RIMKLA: variants seen among roughly 807,000 people sequenced by gnomAD.
The protein encoded by RIMKLA is N-acetylaspartylglutamate synthase A.
RIMKLA carries 14 observed loss-of-function variants against 32.7 expected under a neutral mutation model. That is an observed-to-expected ratio of 0.43 (90% confidence interval 0.28 to 0.67). The LOEUF (loss-of-function observed/expected upper bound fraction) is 0.67. Ranked by LOEUF, RIMKLA falls within the 30% of genes least tolerant of loss-of-function variation. The pLI, the probability that RIMKLA is intolerant of heterozygous loss-of-function variation, is 0.18. For synonymous variants in RIMKLA, 176 were observed against 204.1 expected, an observed-to-expected ratio of 0.86 and a Z score of 1.18; for missense variants, 410 against 519.0, an observed-to-expected ratio of 0.79 and a Z score of 2.04.
chr1:42,401,194 A>C (rs1244474704), intron 2 of RIMKLA, among the ~76,000 whole-genome samples: 5 of 152,124 alleles, frequency 3.3e-5, no homozygotes, highest in African/African-American at 1.2e-4. Context: ...ATGAGAATCT[A>C]ATGCCGCCAC....
At chr1:42,410,318 C>G (rs555432327) in intron 4 of RIMKLA, 131 bp downstream of exon 4, 4 of 750,344 alleles carry the variant, frequency 5.3e-6, no homozygotes, top group East Asian at 2.7e-5. Flanking sequence ...GGAACAAACT[C>G]TTTCCTATGG....
chr1:42,391,577 A>C (rs1434926014), intron 1 of RIMKLA, among the ~76,000 whole-genome samples: 1 of 152,166 alleles, frequency 6.6e-6, no homozygotes, highest in African/African-American at 2.4e-5. Flanking sequence ...GGGAAGGCAC[A>C]CGGAAAAGGT....
intron 4 of RIMKLA, among the ~76,000 whole-genome samples, chr1:42,410,476 A>T (rs1260811048): frequency 6.6e-6 from 1 of 151,714 alleles, no homozygotes; most frequent in Admixed American, 6.6e-5. Context: ...TTGGAGAAAA[A>T]CTCCCATCTG....
chr1:42,411,503 C>T, intron 4 of RIMKLA, among the ~76,000 whole-genome samples: 1 of 150,784 alleles, frequency 6.6e-6, no homozygotes, highest in East Asian at 1.9e-4. Flanking sequence ...CTCTGTTGCA[C>T]AGGCCAGAAT....
chr1:42,386,138 G>T (rs1457352873), intron 1 of RIMKLA, among the ~76,000 whole-genome samples: 1 of 151,762 alleles, frequency 6.6e-6, no homozygotes, highest in Admixed American at 6.6e-5. Context: ...GGCCAGGCTG[G>T]TCTCAAACTC....
chr1:42,388,208 T>A (rs1379924995), intron 1 of RIMKLA, among the ~76,000 whole-genome samples: 1 of 152,112 alleles, frequency 6.6e-6, no homozygotes, highest in Non-Finnish European at 1.5e-5. Context: ...CACTGAAGGA[T>A]ATTTTTTGTT....
At chr1:42,404,627 G>A (rs748689603) in intron 3 of RIMKLA, 30 bp downstream of exon 3, 4 of 1,434,288 alleles carry the variant, frequency 2.8e-6, no homozygotes, top group Admixed American at 1.7e-5. Context: ...GGCTTCCTGG[G>A]TAATCAGCCC....
rs892150034 is a variant in RIMKLA at position 42,414,887 on chromosome 1, A to C, written c.1089A>C (p.Ala363=). ...TGGGAGAGATCCGGGATTCCTCAGC[A>C]AGCACAATGGGGGCCCCACCCTCCA... is the stretch of plus-strand genomic sequence containing the variant. ...PELGEIRDSS[A]STMGAPPSML... is the part of the protein sequence containing the mutation. Residue 363 remains alanine (A), a synonymous_variant, in exon 5 of 5, where the codon GCA becomes GCC. Transcript: ENST00000431473. 9.3e-6 allele frequency: 15 copies of C among 1,614,066 alleles called. No individual in the cohort carries two copies. The highest frequency in any genetic ancestry group is 1.3e-5 in the Non-Finnish European group (15 of 1,180,040).
intron 3 of RIMKLA, among the ~76,000 whole-genome samples, chr1:42,405,761 C>T (rs1643138981): frequency 6.6e-6 from 1 of 152,154 alleles, no homozygotes; most frequent in Admixed American, 6.5e-5. Context: ...CAAGTATGCC[C>T]AGGGGTCTGT....
At position 42,399,537 on chromosome 1, in the gene RIMKLA, C is replaced by T. The variant is rs772577198; in HGVS notation, c.297C>T (p.Val99=). The change falls in exon 2 of 5, where the codon GTC becomes GTT. Residue 99 remains valine (V), a synonymous_variant. Transcript: ENST00000431473. ...RHLEKLGCRL[V]NRPQSILNCI... ...TGGAGAAGCTGGGCTGCCGGTTGGT[C>T]AATCGCCCACAGAGCATCTTAAATT... The T allele has an allele frequency of 1.2e-6, 2 of 1,613,478 alleles. No homozygotes were observed. The highest frequency in any genetic ancestry group is 2.2e-5 in the South Asian group (2 of 90,800).
chr1:42,400,600 A>G (rs953586424), intron 2 of RIMKLA, among the ~76,000 whole-genome samples: 2 of 152,226 alleles, frequency 1.3e-5, no homozygotes, highest in African/African-American at 4.8e-5. Flanking sequence ...GATTTGAGCA[A>G]CCAGATGTGA....
intron 1 of RIMKLA, 109 bp from the exon 2 acceptor site, chr1:42,399,291 ATTTT>A: frequency 2.6e-6 from 2 of 782,260 alleles, no homozygotes; most frequent in Admixed American, 5.7e-5. Context: ...CAGGGGGCCA[ATTTT>A]GAGGCTCTGT....
At chr1:42,400,730 G>A (rs980770709) in intron 2 of RIMKLA, among the ~76,000 whole-genome samples, 3 of 152,182 alleles carry the variant, frequency 2.0e-5, no homozygotes, top group African/African-American at 7.2e-5. Context: ...TGAGGTGTCT[G>A]TAGTACATGC....
At chr1:42,404,762 A>C (rs1643129504) in intron 3 of RIMKLA, among the ~76,000 whole-genome samples, 165 bp downstream of exon 3, 1 of 152,156 alleles carries the variant, frequency 6.6e-6, no homozygotes, top group South Asian at 2.1e-4. Context: ...TTGTCAGATC[A>C]TGCTCACCTC....
chr1:42,389,098 A>C (rs994286354), intron 1 of RIMKLA, among the ~76,000 whole-genome samples: 1 of 152,216 alleles, frequency 6.6e-6, no homozygotes, highest in Admixed American at 6.5e-5. Context: ...CTAGTCAAGG[A>C]GGACTCCAAA....
chr1:42,411,316 C>G (rs1204861526), intron 4 of RIMKLA, among the ~76,000 whole-genome samples: 1 of 142,982 alleles, frequency 7.0e-6, no homozygotes, highest in African/African-American at 2.7e-5. Context: ...GCCTGGGCAA[C>G]AGAGTGAGAC....
chr1:42,387,451 A>C (rs1335771955), intron 1 of RIMKLA, among the ~76,000 whole-genome samples: 1 of 152,126 alleles, frequency 6.6e-6, no homozygotes, highest in East Asian at 1.9e-4. Flanking sequence ...AATTTAGATT[A>C]CTTTGTGTTG....
intron 3 of RIMKLA, among the ~76,000 whole-genome samples, chr1:42,406,689 A>AGTATGTATGTAT (rs60731769): frequency 6.6e-6 from 1 of 151,804 alleles, no homozygotes; most frequent in African/African-American, 2.4e-5. Flanking sequence ...TTGTTATGTA[A>AGTATGTATGTAT]GTATGTATGT....
intron 2 of RIMKLA, among the ~76,000 whole-genome samples, chr1:42,403,006 A>G (rs571012512): frequency 5.8e-4 from 88 of 152,308 alleles, no homozygotes; most frequent in Middle Eastern, 3.4e-3. Flanking sequence ...TGTTACCGCA[A>G]CAAGAGAAAA....
Sources: allele counts gnomAD v4.1 joint callset (sites outside exome capture counted in the v4.1 genomes callset), GRCh38; gene constraint gnomAD v4.1.1; transcripts MANE v1.5; gene names NCBI Gene and HGNC (gene_info 2026-07-23, HGNC 2026-07-21).